Variants in TGFBR3 observed in about 807,000 individuals in gnomAD.
TGFBR3 encodes the protein transforming growth factor beta receptor type 3.
TGFBR3 carries 46 observed loss-of-function variants against 87.9 expected under a neutral mutation model. The observed-to-expected ratio is 0.52, with a 90% CI of 0.41 to 0.67. The LOEUF (loss-of-function observed/expected upper bound fraction) is 0.67. Ranked by LOEUF, TGFBR3 falls within the 30% of genes least tolerant of loss-of-function variation. The pLI is 0.00. For synonymous variants in TGFBR3, 381 were observed against 391.6 expected (o/e 0.97, Z 0.32); for missense variants, 866 against 1,041.9 (o/e 0.83, Z 2.32).
chr1:91,824,181 T>C (rs1203426409), intron 2 of TGFBR3, among the ~76,000 whole-genome samples: 1 of 152,200 alleles, frequency 6.6e-6, no homozygotes, highest in Non-Finnish European at 1.5e-5. Flanking sequence ...ATATAAATTA[T>C]ACTTCGATAT....
intron 1 of TGFBR3, among the ~76,000 whole-genome samples, chr1:91,885,035 T>C (rs1460372032): frequency 6.6e-6 from 1 of 152,250 alleles, no homozygotes; most frequent in Admixed American, 6.5e-5. Context: ...TGCCAAGCAC[T>C]GTTGTAGCAC....
intron 1 of TGFBR3, among the ~76,000 whole-genome samples, chr1:91,864,981 AC>A (rs1244476419): frequency 2.0e-5 from 3 of 151,908 alleles, no homozygotes; most frequent in Non-Finnish European, 4.4e-5. Flanking sequence ...GCTGGGCAGA[AC>A]ACCTGAGGTC....
intron 2 of TGFBR3, among the ~76,000 whole-genome samples, chr1:91,809,523 T>C (rs1675956073): frequency 2.0e-5 from 3 of 152,166 alleles, no homozygotes; most frequent in South Asian, 4.1e-4. Context: ...CTGGTCCTGA[T>C]TGCAGATAGG....
intron 14 of TGFBR3, among the ~76,000 whole-genome samples, chr1:91,701,810 A>C (rs1046451613): frequency 6.6e-6 from 1 of 152,168 alleles, no homozygotes; most frequent in African/African-American, 2.4e-5. Context: ...GGAGAGGAAG[A>C]TTCCTCCTGG....
chr1:91,794,835 T>A lies in TGFBR3; in HGVS notation c.246+2452A>T, dbSNP rs1370896422. On this transcript the variant is annotated intron_variant, in intron 3 of 16. Coordinates refer to ENST00000212355, the MANE Select transcript of TGFBR3 (RefSeq NM_003243.5). The stretch of plus-strand genomic sequence containing the variant: ...TTCCACTTTTGGACTAATGCTGCCA[T>A]GAACAGTCACAGACAAGTCTTTGTG... Among the ~76,000 whole-genome samples the A allele has an allele frequency of 3.3e-5, 5 of 152,370 alleles. No individual in the cohort carries two copies. The East Asian group carries it at 5.8e-4, about 18-fold the overall frequency.
intron 2 of TGFBR3, among the ~76,000 whole-genome samples, chr1:91,817,805 T>G (rs771496068): frequency 6.6e-6 from 1 of 151,324 alleles, no homozygotes; most frequent in Non-Finnish European, 1.5e-5. Context: ...TGGTGCGCTA[T>G]GAGGCAAATA....
At chr1:91,684,258 G>A (rs917134868) in intron 16 of TGFBR3, among the ~76,000 whole-genome samples, 1 of 152,212 alleles carries the variant, frequency 6.6e-6, no homozygotes, top group Non-Finnish European at 1.5e-5. Flanking sequence ...GACACTGTAG[G>A]ATTTGGAGGG....
At chr1:91,747,654 C>T (rs969025056) in intron 4 of TGFBR3, among the ~76,000 whole-genome samples, 2 of 151,216 alleles carry the variant, frequency 1.3e-5, no homozygotes, top group African/African-American at 4.8e-5. Context: ...CCCAGCTATG[C>T]AATCAAACAC....
chr1:91,835,171 C>T (rs1022647648), intron 2 of TGFBR3, among the ~76,000 whole-genome samples: 2 of 152,154 alleles, frequency 1.3e-5, no homozygotes, highest in African/African-American at 4.8e-5. Context: ...GCTCTAACCA[C>T]AAATCTGAGC....
Position 91,776,234 on chromosome 1 carries a change from C to T in TGFBR3, c.247-17484G>A, listed in dbSNP as rs112489545. The stretch of plus-strand genomic sequence containing the variant: ...AAATGGGAGCGGGAGCAAGGGAGAA[C>T]TCACTATCCACTGTGTTTTTGTTAC... On this transcript the variant is annotated intron_variant, in intron 3 of 16. Coordinates refer to ENST00000212355, the MANE Select transcript of TGFBR3 (RefSeq NM_003243.5). Among the ~76,000 whole-genome samples the T allele has an allele frequency of 8.5e-3, 1,296 of 152,358 alleles. 14 individuals carry two copies. Among genetic ancestry groups the T allele is most frequent in the African/African-American group, 0.029 (1,190 of 41,582 alleles).
intron 3 of TGFBR3, among the ~76,000 whole-genome samples, chr1:91,780,491 C>G (rs17443164): frequency 0.31 from 45,451 of 148,588 alleles, 7,199 homozygotes; most frequent in Middle Eastern, 0.47. Context: ...ATTTATGAGA[C>G]AGAGTACCAT....
intron 2 of TGFBR3, among the ~76,000 whole-genome samples, chr1:91,804,006 C>T (rs928217998): frequency 1.3e-5 from 2 of 152,172 alleles, no homozygotes; most frequent in Admixed American, 6.5e-5. Flanking sequence ...CCTGCCTCAC[C>T]CCAGCACAGT....
chr1:91,764,974 T>C (rs150248773), intron 3 of TGFBR3, among the ~76,000 whole-genome samples: 1 of 152,316 alleles, frequency 6.6e-6, no homozygotes, highest in East Asian at 1.9e-4. Context: ...CACGGCCACA[T>C]GCTGCCCAGG....
At chr1:91,791,741 A>C (rs1675200768) in intron 3 of TGFBR3, among the ~76,000 whole-genome samples, 1 of 152,104 alleles carries the variant, frequency 6.6e-6, no homozygotes, top group African/African-American at 2.4e-5. Context: ...TCCACAACTC[A>C]CCATCTGGTT....
At chr1:91,736,560 C>T (rs140043130) in intron 4 of TGFBR3, among the ~76,000 whole-genome samples, 128 of 151,992 alleles carry the variant, frequency 8.4e-4, no homozygotes, top group African/African-American at 3.0e-3. Context: ...CTTGTTTTGA[C>T]GTCGCCTGAA....
At position 91,712,495 on chromosome 1, in the gene TGFBR3, C is replaced by T. The variant is rs572029245; in HGVS notation, c.1914G>A (p.Thr638=). ...AEQELGFAIQ[T]CFISPYSNPD... ...GGTTCGAATATGGAGAGATAAAGCA[C>T]GTTTGGATGGCAAATCCCAGTTCTT... is the stretch of plus-strand genomic sequence containing the variant. Residue 638 remains threonine (T), a synonymous_variant, in exon 13 of 17, where the codon ACG becomes ACA. Coordinates refer to ENST00000212355, the MANE Select transcript of TGFBR3 (RefSeq NM_003243.5). 72 of 1,614,106 alleles carry T rather than the reference C, an allele frequency of 4.5e-5. No individual in the cohort carries two copies. The highest frequency in any genetic ancestry group is 6.7e-5 in the East Asian group (3 of 44,876).
At chr1:91,798,726 G>C (rs576665042) in intron 2 of TGFBR3, among the ~76,000 whole-genome samples, 30 of 152,322 alleles carry the variant, frequency 2.0e-4, no homozygotes, top group Non-Finnish European at 2.5e-4. Flanking sequence ...TTCATCTGCA[G>C]TGCCTGGCAT....
At chr1:91,819,495 G>A (rs985588111) in intron 2 of TGFBR3, among the ~76,000 whole-genome samples, 6 of 152,186 alleles carry the variant, frequency 3.9e-5, no homozygotes, top group Non-Finnish European at 8.8e-5. Context: ...ACAACTCAGA[G>A]GAAGCTGAGA....
chr1:91,758,795 C>G, intron 3 of TGFBR3, 45 bp from the exon 4 acceptor site: 1 of 1,612,744 alleles, frequency 6.2e-7, no homozygotes, highest in African/African-American at 1.3e-5. Flanking sequence ...CCCTGGCTTT[C>G]CATGAAAATC....
Sources: gnomAD v4.1 joint callset for allele counts (sites outside exome capture counted in the v4.1 genomes callset) on GRCh38, gnomAD v4.1.1 for gene constraint, MANE v1.5 for transcripts, NCBI Gene and HGNC (gene_info 2026-07-23, HGNC 2026-07-21) for gene names.